Variants in NRXN2 observed in about 807,000 individuals in gnomAD.
NRXN2 encodes the protein neurexin 2.
Under a neutral mutation model 128.8 loss-of-function variants are expected in NRXN2, and 29 were observed. That is an observed-to-expected ratio of 0.23 (90% confidence interval 0.17 to 0.31). The LOEUF (loss-of-function observed/expected upper bound fraction) is 0.31. Among genes scored for constraint, NRXN2 ranks in the 10% least tolerant of loss-of-function variants. The pLI is 1.00. For synonymous variants in NRXN2, 1,098 were observed against 1,075.2 expected (o/e 1.02, Z -0.41); for missense variants, 1,881 against 2,452.6 (o/e 0.77, Z 4.92).
rs771364598 is a variant in NRXN2 at position 64,635,419 on chromosome 11, G to T, written c.3437C>A (p.Ala1146Glu). The change falls in exon 18 of 23, where the codon GCG becomes GAG. Residue 1146 changes from alanine (A) to glutamate (E), a missense_variant. Around this residue, in one of 7 missense-constraint regions of NRXN2, gnomAD observed 390 missense variants for 599.6 expected, o/e 0.65. Coordinates refer to ENST00000265459, the MANE Select transcript of NRXN2 (RefSeq NM_015080.4). The surrounding 1 kb of genome is among the most constrained non-coding windows in gnomAD (Gnocchi z 4.8). ...GTTYIFGKGG[A>E]LITYTWPPND... The stretch of plus-strand genomic sequence containing the variant: ...GGGGGGCCACGTGTAGGTGATGAGC[G>T]CTCCCCCCTTCCCAAAGATGTATGT... 1 of 1,613,822 alleles carries T rather than the reference G, an allele frequency of 6.2e-7. No homozygotes were observed.
rs753756946 is a variant in NRXN2 at position 64,607,136 on chromosome 11, C to G, written c.*60G>C. 5.4e-5 allele frequency: 84 copies of G among 1,566,326 alleles called. No homozygotes were observed. Among genetic ancestry groups the G allele is most frequent in the Non-Finnish European group, 7.2e-5 (83 of 1,149,248 alleles). On this transcript the variant is annotated 3_prime_UTR_variant, in exon 23 of 23. Coordinates refer to ENST00000265459, the MANE Select transcript of NRXN2 (RefSeq NM_015080.4). The stretch of plus-strand genomic sequence containing the variant: ...CAGGCCCCTGGCAGGGAGAGGGTGG[C>G]ACCCTCCTCCCGGGCCCTCCCAGGA...
chr11:64,644,636 C>T (rs188244679), intron 17 of NRXN2, among the ~76,000 whole-genome samples: 2,570 of 151,808 alleles, frequency 0.017, 24 homozygotes, highest in Non-Finnish European at 0.022. Flanking sequence ...CCAACCTGCT[C>T]GGACAGGGGA....
At chr11:64,664,996 A>G (rs2049604275) in intron 9 of NRXN2, among the ~76,000 whole-genome samples, 1 of 126,518 alleles carries the variant, frequency 7.9e-6, no homozygotes, top group African/African-American at 3.0e-5. Flanking sequence ...TCTCAAAAAA[A>G]AAAAGGCCGG....
At chr11:64,678,521 C>T (rs372387870) in intron 6 of NRXN2, among the ~76,000 whole-genome samples, 17 of 152,278 alleles carry the variant, frequency 1.1e-4, no homozygotes, top group Non-Finnish European at 2.4e-4. Context: ...CACTCCCCTA[C>T]ACCCATAAAA....
chr11:64,619,722 T>C (rs1315440266), intron 22 of NRXN2, among the ~76,000 whole-genome samples: 2 of 152,128 alleles, frequency 1.3e-5, no homozygotes, highest in African/African-American at 4.8e-5. Context: ...CACTATCGGA[T>C]TCAGAGCAGT....
intron 17 of NRXN2, among the ~76,000 whole-genome samples, chr11:64,638,333 G>T (rs1439707863): frequency 6.6e-6 from 1 of 152,232 alleles, no homozygotes; most frequent in African/African-American, 2.4e-5. Context: ...AGGATGAATG[G>T]TTTATTGGAC....
At chr11:64,620,506 G>A in intron 21 of NRXN2, 134 bp from the exon 22 acceptor site, 2 of 721,796 alleles carry the variant, frequency 2.8e-6, no homozygotes, top group South Asian at 3.1e-5. Flanking sequence ...CTGAGTCCCA[G>A]CCCTCCCATC....
intron 12 of NRXN2, among the ~76,000 whole-genome samples, chr11:64,652,765 G>A (rs936461574): frequency 4.6e-5 from 7 of 152,088 alleles, no homozygotes; most frequent in Admixed American, 3.9e-4. Flanking sequence ...CACACGTACT[G>A]CCCATAAATA....
chr11:64,695,038 C>G (rs1436007530), intron 3 of NRXN2, among the ~76,000 whole-genome samples: 1 of 152,198 alleles, frequency 6.6e-6, no homozygotes, highest in Non-Finnish European at 1.5e-5. Flanking sequence ...CTCCCTCAGG[C>G]GTGACAGCAC....
At chr11:64,652,181 G>A in intron 12 of NRXN2, 27 bp from the exon 13 acceptor site, 1 of 1,603,682 alleles carries the variant, frequency 6.2e-7, no homozygotes, top group Non-Finnish European at 8.5e-7. Context: ...GGAATGAGGA[G>A]GGCACCTATA....
chr11:64,606,281 G>A lies in NRXN2; in HGVS notation c.*915C>T, dbSNP rs376828237. 2.0e-5 allele frequency: 3 copies of A among 152,582 alleles called. No homozygotes were observed. The highest frequency in any genetic ancestry group is 2.9e-5 in the Non-Finnish European group (2 of 68,040). 9.5% of individuals were successfully genotyped at this position (152,582 alleles called of 1,614,324 possible). A position where few individuals can be genotyped will look rare whatever the true frequency, so the allele number is the denominator to read the frequency against. The stretch of plus-strand genomic sequence containing the variant: ...AACAAAGAGAGAAAAAAAACTGGGG[G>A]AGCAGGGAGCCCGTGGGCAAAGAAG... On this transcript the variant is annotated 3_prime_UTR_variant, in exon 23 of 23. Transcript: ENST00000265459.
At chr11:64,696,524 T>TAC (rs1255803604) in intron 3 of NRXN2, among the ~76,000 whole-genome samples, 17 of 85,118 alleles carry the variant, frequency 2.0e-4, no homozygotes, top group East Asian at 3.5e-4. Context: ...CACACATACA[T>TAC]ACATACACAC....
chr11:64,642,521 AT>A (rs1328555965), intron 17 of NRXN2: 1 of 1,603,438 alleles, frequency 6.2e-7, no homozygotes, highest in East Asian at 2.3e-5. Context: ...GGTGGCCGGC[AT>A]CTACAGTGCC....
At position 64,631,993 on chromosome 11, in the gene NRXN2, G is replaced by A. The variant is rs2043979847; in HGVS notation, c.3586-1420C>T. On this transcript the variant is annotated intron_variant, in intron 18 of 22. Transcript: ENST00000265459. This position sits in a 1 kb window ranked among gnomAD's most constrained non-coding sequence, Gnocchi z 4.8. Reference sequence around the variant, plus strand: ...TCATAGAAACACACTACACTCCTGGGGTCTTCTTGAAAGACTGCCCCAGTC... The same window carrying A: ...TCATAGAAACACACTACACTCCTGGAGTCTTCTTGAAAGACTGCCCCAGTC... Among the ~76,000 whole-genome samples the A allele has an allele frequency of 1.3e-5, 2 of 152,106 alleles. No homozygotes were observed. The highest frequency in any genetic ancestry group is 1.3e-4 in the Admixed American group (2 of 15,282).
At chr11:64,659,321 A>G (rs2048703482) in intron 11 of NRXN2, 1 of 152,260 alleles carries the variant, frequency 6.6e-6, no homozygotes, top group Non-Finnish European at 1.5e-5. Context: ...GCTTGAACAT[A>G]CCTAGCATTT....
At chr11:64,668,365 A>G (rs1334127156) in intron 8 of NRXN2, 78 bp downstream of exon 8, 9 of 1,570,768 alleles carry the variant, frequency 5.7e-6, no homozygotes, top group Middle Eastern at 4.4e-4. Flanking sequence ...ACAACTAGCC[A>G]GGTCAGACTA....
At position 64,667,483 on chromosome 11, in the gene NRXN2, C is replaced by T. The variant is rs376207731; in HGVS notation, c.1565G>A (p.Arg522His). ...KRTGSISLDF[R>H]TTEPNGLLLF... ...CAGCAGCCCATTGGGCTCGGTGGTG[C>T]GGAAGTCTAGGGAGATGGAGCCAGT... The change falls in exon 9 of 23, where the codon CGC becomes CAC. Residue 522 changes from arginine to histidine, a missense_variant. Physicochemically the swap from Arg to His is conservative, Grantham distance 29. Transcript: ENST00000265459. The surrounding 1 kb of genome is among the most constrained non-coding windows in gnomAD (Gnocchi z 5.6). 5.0e-6 allele frequency: 8 copies of T among 1,613,954 alleles called. No homozygotes were observed. The highest frequency in any genetic ancestry group is 3.3e-5 in the Admixed American group (2 of 60,018).
At chr11:64,678,896 G>C (rs1055105700) in intron 6 of NRXN2, among the ~76,000 whole-genome samples, 1 of 151,930 alleles carries the variant, frequency 6.6e-6, no homozygotes, top group Non-Finnish European at 1.5e-5. Context: ...GATGAATAAG[G>C]GCCTCATATA....
chr11:64,692,805 G>A (rs1343464029), intron 4 of NRXN2, 42 bp downstream of exon 4: 4 of 1,613,056 alleles, frequency 2.5e-6, no homozygotes, highest in Admixed American at 1.7e-5. Flanking sequence ...GCGCAGGTTG[G>A]GGGCAATCCA....
Sources: allele counts gnomAD v4.1 joint callset (sites outside exome capture counted in the v4.1 genomes callset), GRCh38; gene constraint gnomAD v4.1.1; regional missense constraint gnomAD v4.1.1; non-coding constraint Gnocchi (gnomAD v3.1); transcripts MANE v1.5; gene names NCBI Gene and HGNC (gene_info 2026-07-23, HGNC 2026-07-21).